PFKP: variants seen among roughly 807,000 people sequenced by gnomAD.
The protein encoded by PFKP is ATP-dependent 6-phosphofructokinase, platelet type.
PFKP carries 101 observed loss-of-function variants against 94.3 expected under a neutral mutation model. The ratio of observed to expected loss-of-function variants is 1.07; its 90% CI spans 0.91 to 1.26. The LOEUF is 1.26. Among genes scored for constraint, PFKP ranks in the 50% most tolerant of loss-of-function variants. The probability of loss-of-function intolerance (pLI) is 0.00; values close to 1 mark genes in which losing one functional copy is unlikely to be tolerated. For synonymous variants in PFKP, 573 were observed against 432.6 expected, an observed-to-expected ratio of 1.32 and a Z score of -4.03; for missense variants, 1,145 against 1,103.3, an observed-to-expected ratio of 1.04 and a Z score of -0.53.
At chr10:3,080,073 G>A (rs1274085228) in intron 1 of PFKP, among the ~76,000 whole-genome samples, 1 of 151,128 alleles carries the variant, frequency 6.6e-6, no homozygotes, top group East Asian at 2.0e-4. Context: ...AAGAGCACTG[G>A]TGGGACTGCT....
At chr10:3,126,964 C>T (rs956784002) in intron 16 of PFKP, among the ~76,000 whole-genome samples, 3 of 152,252 alleles carry the variant, frequency 2.0e-5, no homozygotes, top group Non-Finnish European at 4.4e-5. Context: ...GTCCACGTGC[C>T]AGCCCTGGGA....
intron 1 of PFKP, among the ~76,000 whole-genome samples, chr10:3,081,974 T>C (rs1009922853): frequency 2.3e-4 from 31 of 135,156 alleles, no homozygotes; most frequent in Middle Eastern, 3.9e-3. Context: ...TGAAGCCCAT[T>C]GCCTTTTTTT....
At position 3,122,884 on chromosome 10, in the gene PFKP, C is replaced by A. The variant is rs1212180367; in HGVS notation, c.1683+2840C>A. 3.9e-5 allele frequency among the ~76,000 whole-genome samples: 6 copies of A among 152,286 alleles called. No homozygotes were observed. In the Middle Eastern group the frequency reaches 0.01, roughly 259 times the overall value. ...AAAGGGATGCTCCCAGCATCTGGGGCTGGAGACAAGGGACGCTGCGGAACG... is the reference window on the plus strand; with the variant it reads ...AAAGGGATGCTCCCAGCATCTGGGGATGGAGACAAGGGACGCTGCGGAACG... On this transcript the variant is annotated intron_variant, in intron 16 of 21. Transcript: ENST00000381125.
chr10:3,101,095 C>T, intron 3 of PFKP: 1 of 1,004,868 alleles, frequency 1.0e-6, no homozygotes, highest in Admixed American at 1.8e-5. Context: ...GGTTCCTGCT[C>T]CATGTATTTA....
At chr10:3,096,861 G>A (rs190489254) in intron 2 of PFKP, among the ~76,000 whole-genome samples, 2 of 137,366 alleles carry the variant, frequency 1.5e-5, no homozygotes, top group African/African-American at 2.8e-5. Context: ...GGCGGATCAC[G>A]AGGTCAGGAG....
intron 13 of PFKP, among the ~76,000 whole-genome samples, 174 bp downstream of exon 13, chr10:3,113,692 T>G (rs1836501844): frequency 7.1e-6 from 1 of 141,110 alleles, no homozygotes; most frequent in Admixed American, 7.1e-5. Flanking sequence ...CTAAGGTAGG[T>G]TTCAGGCCCT....
At chr10:3,073,817 G>T (rs772992762) in intron 1 of PFKP, among the ~76,000 whole-genome samples, 2 of 151,956 alleles carry the variant, frequency 1.3e-5, no homozygotes, top group Non-Finnish European at 2.9e-5. Context: ...ATTTCTGTGT[G>T]TGTGTGTGTT....
At chr10:3,088,922 T>G (rs1461491932) in intron 2 of PFKP, among the ~76,000 whole-genome samples, 5 of 152,126 alleles carry the variant, frequency 3.3e-5, no homozygotes, top group Non-Finnish European at 7.4e-5. Context: ...TCTCTTTTTA[T>G]GCCTGGCTTA....
rs1224829610 is a variant in PFKP, at chr10:3,087,984, CTT to C, written c.186+5544_186+5545del. 1.7e-4 allele frequency among the ~76,000 whole-genome samples: 16 copies of C among 96,592 alleles called. No homozygotes were observed. The East Asian group carries it at 2.5e-3, about 15-fold the overall frequency. The allele number at this position is 96,592 out of a possible 152,430, so 63.4% of individuals were successfully genotyped here. A position where few individuals can be genotyped will look rare whatever the true frequency, so the allele number is the denominator to read the frequency against. On this transcript the variant is annotated intron_variant, in intron 2 of 21. Transcript: ENST00000381125. ...ATATAAAAATCCTGTATCTTTCATT[CTT>C]TTTTTTTTTTTTTTTTTTTTACATT...
At chr10:3,093,864 C>A (rs575582261) in intron 2 of PFKP, among the ~76,000 whole-genome samples, 15 of 152,188 alleles carry the variant, frequency 9.9e-5, no homozygotes, top group South Asian at 4.2e-4. Flanking sequence ...AGGATGGTCT[C>A]CATCTCCTGA....
intron 1 of PFKP, among the ~76,000 whole-genome samples, chr10:3,075,301 A>G (rs1832493553): frequency 6.6e-6 from 1 of 152,056 alleles, no homozygotes; most frequent in Non-Finnish European, 1.5e-5. Context: ...GTTTATGGCC[A>G]GATTTGGGGG....
At chr10:3,109,144 C>T (rs184025931) in intron 9 of PFKP, among the ~76,000 whole-genome samples, 1 of 152,348 alleles carries the variant, frequency 6.6e-6, no homozygotes, top group East Asian at 1.9e-4. Flanking sequence ...GTTCTTAACA[C>T]TCCTGCTCTC....
At chr10:3,072,250 G>A (rs34612453) in intron 1 of PFKP, among the ~76,000 whole-genome samples, 24,513 of 152,228 alleles carry the variant, frequency 0.16, 2,029 homozygotes, top group Middle Eastern at 0.34. Context: ...CCTTAAAACC[G>A]AAGTCAGAAG....
chr10:3,074,710 G>A (rs118144814), intron 1 of PFKP, among the ~76,000 whole-genome samples: 2,694 of 152,274 alleles, frequency 0.018, 41 homozygotes, highest in Non-Finnish European at 0.027. Context: ...AGGCAGGTGG[G>A]GGTTAAAGGA....
intron 1 of PFKP, among the ~76,000 whole-genome samples, chr10:3,081,866 A>AG (rs149676777): frequency 0.066 from 10,038 of 152,052 alleles, 489 homozygotes; most frequent in Non-Finnish European, 0.096. Context: ...GTTCTTCTCA[A>AG]GGGGGGCCTC....
At chr10:3,109,909 G>A (rs1836000806) in intron 10 of PFKP, among the ~76,000 whole-genome samples, 2 of 151,776 alleles carry the variant, frequency 1.3e-5, no homozygotes, top group African/African-American at 4.8e-5. Context: ...GGGCAGGGAG[G>A]CAGGGAGGCG....
intron 9 of PFKP, 53 bp downstream of exon 9, chr10:3,108,846 C>T: frequency 7.7e-7 from 1 of 1,305,322 alleles, no homozygotes; most frequent in Non-Finnish European, 1.1e-6. Context: ...GGAAGCGTTT[C>T]TGGAGAGGCA....
chr10:3,094,977 G>A (rs938678119), intron 2 of PFKP, among the ~76,000 whole-genome samples: 29 of 152,148 alleles, frequency 1.9e-4, no homozygotes, highest in African/African-American at 6.5e-4. Context: ...AACACTATCT[G>A]GAAGGCACTT....
intron 1 of PFKP, among the ~76,000 whole-genome samples, chr10:3,078,939 G>A (rs115622882): frequency 6.6e-6 from 1 of 152,200 alleles, no homozygotes; most frequent in Non-Finnish European, 1.5e-5. Context: ...TCAGGACCTA[G>A]AATTGTGTCT....
Sources: allele counts gnomAD v4.1 joint callset (sites outside exome capture counted in the v4.1 genomes callset), GRCh38; gene constraint gnomAD v4.1.1; transcripts MANE v1.5; gene names NCBI Gene and HGNC (gene_info 2026-07-23, HGNC 2026-07-21).